DPP10: variants seen among roughly 807,000 people sequenced by gnomAD.
DPP10 encodes the protein inactive dipeptidyl peptidase 10.
In DPP10, 33 loss-of-function variants were observed where a neutral mutation model predicts 120.9. The observed-to-expected ratio is 0.27, with a 90% CI of 0.21 to 0.37. The LOEUF is 0.37. Ranked by LOEUF, DPP10 falls within the 10% of genes least tolerant of loss-of-function variation. The pLI, the probability that DPP10 is intolerant of heterozygous loss-of-function variation, is 1.00. For missense variants in DPP10, 816 were observed against 942.8 expected (o/e 0.87, Z 1.76); for synonymous variants, 337 against 326.1 (o/e 1.03, Z -0.36).
intron 3 of DPP10, among the ~76,000 whole-genome samples, chr2:115,476,304 A>G (rs1014856036): frequency 6.6e-6 from 1 of 152,042 alleles, no homozygotes; most frequent in East Asian, 1.9e-4. Flanking sequence ...ACTTTCCCTC[A>G]TTCTGCAGCC....
At chr2:115,774,479 G>T (rs1309111874) in intron 13 of DPP10, among the ~76,000 whole-genome samples, 1 of 152,040 alleles carries the variant, frequency 6.6e-6, no homozygotes, top group Non-Finnish European at 1.5e-5. Context: ...TGAGTTATTT[G>T]CCTGTGTGAA....
intron 1 of DPP10, among the ~76,000 whole-genome samples, chr2:114,646,047 C>G (rs1040341764): frequency 6.6e-6 from 1 of 151,978 alleles, no homozygotes; most frequent in Admixed American, 6.6e-5. Context: ...GTAATCCCAG[C>G]TACTCAGGAG....
chr2:115,190,166 A>G (rs2054766121), intron 1 of DPP10, among the ~76,000 whole-genome samples: 2 of 152,208 alleles, frequency 1.3e-5, no homozygotes. Flanking sequence ...GTTGGTAGTA[A>G]TAAATGTAAT....
At chr2:115,669,104 G>C (rs931414687) in intron 5 of DPP10, among the ~76,000 whole-genome samples, 1 of 152,020 alleles carries the variant, frequency 6.6e-6, no homozygotes, top group Non-Finnish European at 1.5e-5. Flanking sequence ...CTTAGACTAG[G>C]GGAATATGTG....
intron 10 of DPP10, among the ~76,000 whole-genome samples, chr2:115,748,484 A>G (rs1678295238): frequency 6.6e-6 from 1 of 152,110 alleles, no homozygotes; most frequent in Non-Finnish European, 1.5e-5. Context: ...ATGTCTATAT[A>G]AGGAGGAATA....
chr2:115,541,175 T>G (rs1472671468), intron 5 of DPP10, among the ~76,000 whole-genome samples: 1 of 151,968 alleles, frequency 6.6e-6, no homozygotes, highest in Admixed American at 6.6e-5. Flanking sequence ...GTTATTCACT[T>G]ATAAAATGAA....
intron 7 of DPP10, among the ~76,000 whole-genome samples, chr2:115,713,226 A>G (rs945124684): frequency 2.0e-5 from 3 of 152,182 alleles, no homozygotes; most frequent in Admixed American, 6.5e-5. Flanking sequence ...GGGCAGCTGG[A>G]AATTGAGTCA....
chr2:114,691,342 G>A (rs1699734166), intron 1 of DPP10, among the ~76,000 whole-genome samples: 1 of 152,046 alleles, frequency 6.6e-6, no homozygotes, highest in Admixed American at 6.6e-5. Flanking sequence ...TTTGTCTATA[G>A]TTCTGTTGAT....
intron 2 of DPP10, among the ~76,000 whole-genome samples, chr2:115,336,229 A>G (rs1368821511): frequency 1.3e-5 from 2 of 152,080 alleles, no homozygotes; most frequent in East Asian, 3.9e-4. Context: ...AAGAAAGAAC[A>G]GAAATACCCA....
At position 115,550,943 on chromosome 2, in the gene DPP10, T is replaced by C. The variant is rs182116567; in HGVS notation, c.441+24971T>C. Among the ~76,000 whole-genome samples the C allele has an allele frequency of 9.5e-4, 145 of 152,260 alleles. 1 individual carries two copies. Among genetic ancestry groups the C allele is most frequent in the Admixed American group, 1.7e-3 (26 of 15,274 alleles). On this transcript the variant is annotated intron_variant, in intron 5 of 25. Transcript: ENST00000410059. ...TCACAATGTTAATGCAAATAATGACTAAAACATTCAAAATATAATTTATTG... is the reference window on the plus strand; with the variant it reads ...TCACAATGTTAATGCAAATAATGACCAAAACATTCAAAATATAATTTATTG...
At chr2:114,782,572 A>G (rs140696807) in intron 1 of DPP10, among the ~76,000 whole-genome samples, 147 of 152,126 alleles carry the variant, frequency 9.7e-4, no homozygotes, top group African/African-American at 3.4e-3. Context: ...AGAAGACATG[A>G]AAGTTAAAGG....
chr2:115,715,988 AT>A (rs1256081447), intron 7 of DPP10, among the ~76,000 whole-genome samples: 2 of 152,192 alleles, frequency 1.3e-5, no homozygotes, highest in African/African-American at 4.8e-5. Flanking sequence ...ATTGATCCAT[AT>A]TTATGCAATG....
chr2:114,622,630 G>A (rs1270896386), intron 1 of DPP10, among the ~76,000 whole-genome samples: 1 of 152,036 alleles, frequency 6.6e-6, no homozygotes, highest in Admixed American at 6.6e-5. Flanking sequence ...AGCAAAATAA[G>A]CCTCGCTGAA....
intron 1 of DPP10, among the ~76,000 whole-genome samples, chr2:115,263,967 A>T (rs866048092): frequency 6.6e-6 from 1 of 152,188 alleles, no homozygotes; most frequent in Middle Eastern, 3.2e-3. Context: ...TATAAGTTAT[A>T]TCTGAAATGT....
intron 1 of DPP10, among the ~76,000 whole-genome samples, chr2:115,284,118 A>G (rs575884970): frequency 4.6e-5 from 7 of 152,156 alleles, no homozygotes; most frequent in East Asian, 3.9e-4. Context: ...AATTTTCTCC[A>G]TAATATCAAA....
chr2:114,487,893 A>T (rs1186838852), intron 1 of DPP10, among the ~76,000 whole-genome samples: 1 of 152,234 alleles, frequency 6.6e-6, no homozygotes, highest in Non-Finnish European at 1.5e-5. Flanking sequence ...AATCACAAAG[A>T]TAAGCACGTT....
intron 11 of DPP10, among the ~76,000 whole-genome samples, chr2:115,759,367 G>A (rs1044582394): frequency 2.0e-5 from 3 of 150,434 alleles, no homozygotes; most frequent in African/African-American, 7.4e-5. Flanking sequence ...AGACCAGCCT[G>A]GACAACAAAA....
intron 1 of DPP10, among the ~76,000 whole-genome samples, chr2:114,483,873 T>C (rs2104693440): frequency 6.6e-6 from 1 of 152,292 alleles, no homozygotes; most frequent in East Asian, 1.9e-4. Flanking sequence ...CAGGCCTGCA[T>C]TTGTGTATCG....
At chr2:114,615,467 G>T in intron 1 of DPP10, among the ~76,000 whole-genome samples, 1 of 152,102 alleles carries the variant, frequency 6.6e-6, no homozygotes, top group Non-Finnish European at 1.5e-5. Context: ...CTGTATTGGA[G>T]AGACAAAAGA....
Sources: gnomAD v4.1 joint callset for allele counts (sites outside exome capture counted in the v4.1 genomes callset) on GRCh38, gnomAD v4.1.1 for gene constraint, MANE v1.5 for transcripts, NCBI Gene and HGNC (gene_info 2026-07-23, HGNC 2026-07-21) for gene names.